The following PPIL2 variants were observed in gnomAD, a reference collection of about 807,000 sequenced individuals.
PPIL2 encodes the protein peptidylprolyl isomerase like 2, also known as RING-type E3 ubiquitin-protein ligase PPIL2.
A neutral mutation model predicts 75.2 loss-of-function variants in PPIL2; 50 were observed. The ratio of observed to expected loss-of-function variants is 0.66; its 90% CI spans 0.53 to 0.84. PPIL2 has a LOEUF of 0.84. PPIL2 is among the 40% of genes least tolerant of loss of function. The pLI is 0.00. For missense variants in PPIL2, 590 were observed against 685.0 expected (o/e 0.86, Z 1.55); for synonymous variants, 245 against 258.8 (o/e 0.95, Z 0.51).
At position 21,696,843 on chromosome 22, in the gene PPIL2, C is replaced by T. The variant is rs376485041; in HGVS notation, c.*1353C>T. ...CTTTGTCTCCCTGGATGCTGGGTGG[C>T]GCCTCATCTGCATCTCTGCCTCACC... On this transcript the variant is annotated 3_prime_UTR_variant, in exon 20 of 20. Coordinates refer to ENST00000398831, the MANE Select transcript of PPIL2 (RefSeq NM_014337.4). 86 of 1,569,458 alleles carry T rather than the reference C, an allele frequency of 5.5e-5. No individual in the cohort carries two copies. Among genetic ancestry groups the T allele is most frequent in the Middle Eastern group, 5.0e-4 (3 of 6,012 alleles).
rs2066586492 is a variant in PPIL2 at position 21,670,405 on chromosome 22, G to A, written c.83-161G>A. ...AGTTCTTTTTTGATGTACCCCAAGT[G>A]TTTTGGTTTATCTGTTAAAAGGTTT... On this transcript the variant is annotated intron_variant, in intron 2 of 19. Coordinates refer to ENST00000398831, the MANE Select transcript of PPIL2 (RefSeq NM_014337.4). The A allele has an allele frequency of 4.7e-6, 7 of 1,477,770 alleles. No individual in the cohort carries two copies. The South Asian group carries it at 9.0e-5, about 19-fold the overall frequency. 91.5% of individuals were successfully genotyped at this position (1,477,770 alleles called of 1,614,324 possible).
chr22:21,687,162 C>T (rs2067401768), intron 12 of PPIL2, among the ~76,000 whole-genome samples, 164 bp downstream of exon 12: 1 of 152,176 alleles, frequency 6.6e-6, no homozygotes, highest in Non-Finnish European at 1.5e-5. Flanking sequence ...TCCTAGGGGG[C>T]CGCGTTGGCA....
chr22:21,688,647 T>C (rs943855374), intron 14 of PPIL2, 85 bp from the exon 15 acceptor site: 2 of 1,343,234 alleles, frequency 1.5e-6, no homozygotes, highest in African/African-American at 1.4e-5. Flanking sequence ...AGCAAGGCCC[T>C]GATGCCCCTC....
At position 21,696,858 on chromosome 22, in the gene PPIL2, T is replaced by C; in HGVS notation, c.*1368T>C. 2.5e-6 allele frequency: 4 copies of C among 1,582,152 alleles called. No homozygotes were observed. The highest frequency in any genetic ancestry group is 3.4e-6 in the Non-Finnish European group (4 of 1,164,736). ...TGCTGGGTGGCGCCTCATCTGCATC[T>C]CTGCCTCACCCCATCCACTGCCACA... is the stretch of plus-strand genomic sequence containing the variant. On this transcript the variant is annotated 3_prime_UTR_variant, in exon 20 of 20. Coordinates refer to ENST00000398831, the MANE Select transcript of PPIL2 (RefSeq NM_014337.4).
chr22:21,692,168 TTC>T (rs1482287252), intron 15 of PPIL2, among the ~76,000 whole-genome samples: 1 of 152,056 alleles, frequency 6.6e-6, no homozygotes, highest in East Asian at 1.9e-4. Context: ...TTTTTTTTTT[TTC>T]TTTGAGACGG....
intron 5 of PPIL2, among the ~76,000 whole-genome samples, chr22:21,672,883 TGGAGCCGCTGGGAG>T (rs1000275386): frequency 6.6e-6 from 1 of 152,170 alleles, no homozygotes; most frequent in African/African-American, 2.4e-5. Flanking sequence ...CTCCCTGTGC[TGGAGCCGCTGGGAG>T]GGAGCTCCCT....
At chr22:21,671,324 T>C (rs1443765792) in intron 4 of PPIL2, among the ~76,000 whole-genome samples, 1 of 152,188 alleles carries the variant, frequency 6.6e-6, no homozygotes, top group Non-Finnish European at 1.5e-5. Flanking sequence ...TGAAAATGAA[T>C]TTTTAGGAAA....
At chr22:21,698,862 C>T (rs529410428), downstream of PPIL2, 2 of 152,632 alleles carry the variant, frequency 1.3e-5, no homozygotes, top group South Asian at 2.1e-4. Context: ...CCTAAACCCT[C>T]GGGGGAGACT....
chr22:21,689,463 T>C (rs1302268000), intron 15 of PPIL2, among the ~76,000 whole-genome samples: 1 of 152,092 alleles, frequency 6.6e-6, no homozygotes, highest in Admixed American at 6.6e-5. Context: ...TTTTATAGTT[T>C]ATGATACTTT....
At chr22:21,692,288 T>C (rs2067684776) in intron 15 of PPIL2, among the ~76,000 whole-genome samples, 1 of 151,970 alleles carries the variant, frequency 6.6e-6, no homozygotes, top group African/African-American at 2.4e-5. Flanking sequence ...CCCTAGTAGC[T>C]GGGACTACAG....
intron 6 of PPIL2, among the ~76,000 whole-genome samples, chr22:21,679,130 A>C (rs1226722289): frequency 1.3e-5 from 2 of 151,970 alleles, no homozygotes; most frequent in African/African-American, 2.4e-5. Flanking sequence ...TCCCGACCTC[A>C]GGTGATCCTC....
intron 15 of PPIL2, among the ~76,000 whole-genome samples, chr22:21,690,698 G>C (rs1337266930): frequency 6.6e-6 from 1 of 152,124 alleles, no homozygotes; most frequent in Non-Finnish European, 1.5e-5. Context: ...TTTAATCCAT[G>C]TGTGTTTCTG....
chr22:21,674,706 C>T (rs569364273), intron 5 of PPIL2, among the ~76,000 whole-genome samples: 3 of 152,280 alleles, frequency 2.0e-5, no homozygotes, highest in East Asian at 1.9e-4. Flanking sequence ...TGTGTCCCAC[C>T]ACTCTAGCTG....
intron 11 of PPIL2, 49 bp from the exon 12 acceptor site, chr22:21,686,843 G>T: frequency 6.5e-7 from 1 of 1,543,576 alleles, no homozygotes; most frequent in Non-Finnish European, 9.0e-7. Context: ...GGCATGGTGG[G>T]GCTGCCCCAG....
chr22:21,691,140 C>T (rs1489250530), intron 15 of PPIL2, among the ~76,000 whole-genome samples: 2 of 151,474 alleles, frequency 1.3e-5, no homozygotes, highest in East Asian at 4.0e-4. Flanking sequence ...GACAGGGTTT[C>T]ACCATGTTGG....
intron 12 of PPIL2, among the ~76,000 whole-genome samples, chr22:21,687,280 G>A (rs930961352): frequency 3.3e-5 from 5 of 152,300 alleles, no homozygotes; most frequent in African/African-American, 9.6e-5. Flanking sequence ...GCGGCTGCAC[G>A]GGTCCTGTTG....
In PPIL2 at chr22:21,675,073, G is replaced by A. The variant is rs201273204; in HGVS notation, c.253G>A (p.Gly85Arg). ...TNPSNGEKLD[G>R]RSLIKLNFSK... is the part of the protein sequence containing the mutation. Reference sequence around the variant, plus strand: ...ACTGTGCTTCTTCCAGAAGCTGGACGGGAGGTCCCTGATCAAGCTGAACTT... The same window carrying A: ...ACTGTGCTTCTTCCAGAAGCTGGACAGGAGGTCCCTGATCAAGCTGAACTT... The change falls in exon 6 of 20, where the codon GGG (glycine) becomes AGG (arginine). Residue 85 changes from glycine to arginine, a missense_variant. By Grantham distance (125) the Gly-to-Arg change is moderately radical. Coordinates refer to ENST00000398831, the MANE Select transcript of PPIL2 (RefSeq NM_014337.4). 8.3e-5 allele frequency: 133 copies of A among 1,611,382 alleles called. No individual in the cohort carries two copies. The highest frequency in any genetic ancestry group is 1.0e-4 in the Non-Finnish European group (119 of 1,177,574).
chr22:21,671,830 C>G (rs1257272482), intron 4 of PPIL2, among the ~76,000 whole-genome samples: 3 of 152,104 alleles, frequency 2.0e-5, no homozygotes, highest in Non-Finnish European at 4.4e-5. Context: ...GCAGGAGGAT[C>G]TCTTGAACCC....
intron 15 of PPIL2, among the ~76,000 whole-genome samples, chr22:21,690,321 C>T (rs985747479): frequency 6.6e-6 from 1 of 151,714 alleles, no homozygotes; most frequent in Non-Finnish European, 1.5e-5. Context: ...GAAGTCAAAG[C>T]TGCAGTGAGC....
Sources: gnomAD v4.1 joint callset for allele counts (sites outside exome capture counted in the v4.1 genomes callset) on GRCh38, gnomAD v4.1.1 for gene constraint, MANE v1.5 for transcripts, NCBI Gene and HGNC (gene_info 2026-07-23, HGNC 2026-07-21) for gene names.